The following EXPH5 variants were observed in gnomAD, a reference collection of about 807,000 sequenced individuals.
EXPH5 encodes the protein exophilin 5, also known as exophilin-5.
A neutral mutation model predicts 41.1 loss-of-function variants in EXPH5; 42 were observed. The ratio of observed to expected loss-of-function variants is 1.02; its 90% CI spans 0.80 to 1.32. EXPH5 has a LOEUF of 1.32. Ranked by LOEUF, EXPH5 falls within the 40% of genes most tolerant of loss-of-function variation. EXPH5 has a pLI of 0.00. For missense variants in EXPH5, 2,298 were observed against 2,314.5 expected, an observed-to-expected ratio of 0.99 and a Z score of 0.15; for synonymous variants, 798 against 833.5, an observed-to-expected ratio of 0.96 and a Z score of 0.73.
chr11:108,513,045 G>C lies in EXPH5; in HGVS notation c.2462C>G (p.Ser821Cys). The C allele has an allele frequency of 6.2e-7, 1 of 1,613,738 alleles. No homozygotes were observed. Among genetic ancestry groups the C allele is most frequent in the Non-Finnish European group, 8.5e-7 (1 of 1,179,894 alleles). The change falls in exon 6 of 6, where the codon TCT (serine) becomes TGT (cysteine). Residue 821 changes from serine to cysteine, a missense_variant. Physicochemically the swap from Ser to Cys is moderately radical, Grantham distance 112 (BLOSUM62 -1). Coordinates refer to ENST00000265843, the MANE Select transcript of EXPH5 (RefSeq NM_015065.3). ...PFIQEHRTPP[S>C]FPRTDQGCHQ... ...ACAACCTTGGTCTGTCCTGGGGAAA[G>C]ATGGTGGTGTTCTGTGTTCCTGAAT...
chr11:108,529,511 C>T (rs1250126452), intron 3 of EXPH5, among the ~76,000 whole-genome samples: 1 of 152,050 alleles, frequency 6.6e-6, no homozygotes, highest in Non-Finnish European at 1.5e-5. Flanking sequence ...TCTTTTAAAT[C>T]TACAGTCTCA....
chr11:108,517,026 G>A (rs2093731075), intron 5 of EXPH5, among the ~76,000 whole-genome samples: 1 of 152,058 alleles, frequency 6.6e-6, no homozygotes, highest in African/African-American at 2.4e-5. Context: ...TAAAGTCTTG[G>A]TTGACTACAA....
the EXPH5 span, among the ~76,000 whole-genome samples, chr11:108,600,119 G>C: frequency 6.6e-6 from 1 of 152,178 alleles, no homozygotes; most frequent in Admixed American, 6.6e-5. Flanking sequence ...AGCGTACAGA[G>C]AGTGGAAGAA....
At position 108,509,487 on chromosome 11, in the gene EXPH5, T is replaced by A; in HGVS notation, c.*50A>T. On this transcript the variant is annotated 3_prime_UTR_variant, in exon 6 of 6. Transcript: ENST00000265843. The stretch of plus-strand genomic sequence containing the variant: ...TGCACATGCACATGTACACCTTAGT[T>A]CCATTATAAGCTTTTGGTGAAAAAA... The A allele has an allele frequency of 6.7e-7, 1 of 1,495,442 alleles. No individual in the cohort carries two copies. 92.6% of individuals were successfully genotyped at this position (1,495,442 alleles called of 1,614,324 possible).
intron 2 of EXPH5, 60 bp from the exon 3 acceptor site, chr11:108,539,246 G>T: frequency 8.0e-7 from 1 of 1,248,156 alleles, no homozygotes; most frequent in Non-Finnish European, 1.1e-6. Flanking sequence ...ATACTTGAAA[G>T]AATGAAGCCT....
At chr11:108,557,227 G>T (rs1278674662) in intron 1 of EXPH5, among the ~76,000 whole-genome samples, 1 of 152,014 alleles carries the variant, frequency 6.6e-6, no homozygotes, top group Non-Finnish European at 1.5e-5. Flanking sequence ...TGCTTGTTTT[G>T]AGATGGAGTC....
intron 3 of EXPH5, among the ~76,000 whole-genome samples, chr11:108,535,611 G>T (rs1208444952): frequency 6.6e-6 from 1 of 151,878 alleles, no homozygotes; most frequent in South Asian, 2.1e-4. Context: ...GAGACAGAGA[G>T]AACAGGAAAA....
rs2093677506 is a variant in EXPH5, at chr11:108,511,120, G to A, written c.4387C>T (p.Pro1463Ser). 1.2e-6 allele frequency: 2 copies of A among 1,613,828 alleles called. No individual in the cohort carries two copies. The highest frequency in any genetic ancestry group is 1.7e-6 in the Non-Finnish European group (2 of 1,179,952). Reference protein sequence around the residue: ...AIPFTGSGKCPQKDHTSTAVG... With the variant: ...AIPFTGSGKCSQKDHTSTAVG... ...GCTGTGGATGTGTGATCTTTCTGGG[G>A]ACACTTGCCACTTCCAGTAAATGGA... Residue 1463 changes from proline to serine, a missense_variant, in exon 6 of 6, where the codon CCC becomes TCC. Pro to Ser is a moderately conservative substitution (Grantham distance 74). Coordinates refer to ENST00000265843, the MANE Select transcript of EXPH5 (RefSeq NM_015065.3).
Position 108,511,354 on chromosome 11 carries a change from T to C in EXPH5, c.4153A>G (p.Arg1385Gly). ...GTTTCACTTTGCAACTTTTTGCCTC[T>C]TTCCTTCTTGTTTTCTGAATCACCT... ...PLGDSENKKE[R>G]GKKLQSETLH... Residue 1385 changes from arginine (R) to glycine (G), a missense_variant, in exon 6 of 6, where the codon AGA becomes GGA. By Grantham distance (125) the Arg-to-Gly change is moderately radical (BLOSUM62 -2). Transcript: ENST00000265843. The C allele has an allele frequency of 3.8e-6, 6 of 1,581,288 alleles. No homozygotes were observed. In the East Asian group the frequency reaches 6.7e-5, roughly 18 times the overall value.
At chr11:108,591,733 G>A (rs2094127936) in intron 1 of EXPH5, among the ~76,000 whole-genome samples, 1 of 152,220 alleles carries the variant, frequency 6.6e-6, no homozygotes, top group South Asian at 2.1e-4. Context: ...CGTGCTTTGT[G>A]TAGATCTATG....
chr11:108,510,572 C>A lies in EXPH5; in HGVS notation c.4935G>T (p.Glu1645Asp), dbSNP rs747857756. ...TGGACTCTGCAGATTTTGGAGTAGG[C>A]TCAGGGAACAGTGGGTTGCACTCCA... Reference protein sequence around the residue: ...GTVECNPLFPEPTPKSAESIG... With the variant: ...GTVECNPLFPDPTPKSAESIG... The change falls in exon 6 of 6, where the codon GAG (glutamate) becomes GAT (aspartate). Residue 1645 changes from glutamate (E) to aspartate (D), a missense_variant. Glu to Asp is a conservative substitution (Grantham distance 45). Transcript: ENST00000265843. 9 of 1,614,098 alleles carry A rather than the reference C, an allele frequency of 5.6e-6. No homozygotes were observed. Among genetic ancestry groups the A allele is most frequent in the Non-Finnish European group, 7.6e-6 (9 of 1,180,000 alleles).
rs764878450 is a variant in EXPH5 at position 108,541,803 on chromosome 11, C to T, written c.129G>A (p.Gln43=). ...RAEKDRISKL[Q]KTKRDIRWLQ... is the part of the protein sequence containing the mutation. ...GCCATCTGATATCCCTCTTTGTCTT[C>T]TGAAGTTTGCTGAAATAAAATAAAA... The change falls in exon 2 of 6, where the codon CAG becomes CAA. Residue 43 remains glutamine (Q), a synonymous_variant. Transcript: ENST00000265843. 16 of 1,586,048 alleles carry T rather than the reference C, an allele frequency of 1.0e-5. No homozygotes were observed. The highest frequency in any genetic ancestry group is 1.0e-5 in the Non-Finnish European group (12 of 1,171,008).
chr11:108,560,099 TTG>T (rs1431070713), intron 1 of EXPH5, among the ~76,000 whole-genome samples: 3 of 152,154 alleles, frequency 2.0e-5, no homozygotes, highest in Non-Finnish European at 4.4e-5. Context: ...TATTCAATCT[TTG>T]TGTTAGGATG....
rs2093684808 is a variant in EXPH5 at position 108,511,873 on chromosome 11, G to A, written c.3634C>T (p.Pro1212Ser). The change falls in exon 6 of 6, where the codon CCT (proline) becomes TCT (serine). Residue 1212 changes from proline (P) to serine (S), a missense_variant. Pro to Ser is a moderately conservative substitution (Grantham distance 74). Transcript: ENST00000265843. The stretch of plus-strand genomic sequence containing the variant: ...TTTCCTGACAAGTCTGAGCAAAAAG[G>A]TAAAGGGTCTTCATTTGAAAGAGCA... ...VFALSNEDPL[P>S]FCSDLSGKER... The A allele has an allele frequency of 1.3e-6, 2 of 1,588,554 alleles. No individual in the cohort carries two copies. Among genetic ancestry groups the A allele is most frequent in the Non-Finnish European group, 1.7e-6 (2 of 1,172,224 alleles).
upstream of EXPH5, among the ~76,000 whole-genome samples, chr11:108,596,109 C>A (rs186942624): frequency 4.8e-3 from 733 of 151,994 alleles, 6 homozygotes; most frequent in African/African-American, 0.017. Context: ...GCAGGAGAAT[C>A]GCTTGAACCC....
At chr11:108,574,200 C>A (rs1011555760) in intron 1 of EXPH5, among the ~76,000 whole-genome samples, 2 of 151,862 alleles carry the variant, frequency 1.3e-5, no homozygotes, top group South Asian at 4.1e-4. Context: ...TGAGCCACCG[C>A]GCCCAACCTA....
rs190390850 is a variant in EXPH5, at chr11:108,542,680, C to T, written c.120-868G>A. ...TCCAGTGGTCAAAGATAAAAGCTAA[C>T]ATGCAGAAAAGAAATTATTGAATGT... On this transcript the variant is annotated intron_variant, in intron 1 of 5. Coordinates refer to ENST00000265843, the MANE Select transcript of EXPH5 (RefSeq NM_015065.3). 1.1e-3 allele frequency among the ~76,000 whole-genome samples: 169 copies of T among 152,246 alleles called. 2 individuals carry two copies. Among genetic ancestry groups the T allele is most frequent in the African/African-American group, 3.9e-3 (163 of 41,558 alleles).
At chr11:108,542,982 G>A (rs2093920545) in intron 1 of EXPH5, among the ~76,000 whole-genome samples, 1 of 152,136 alleles carries the variant, frequency 6.6e-6, no homozygotes, top group Non-Finnish European at 1.5e-5. Flanking sequence ...ACCTCCCAAA[G>A]TGCTGGGACT....
At chr11:108,532,397 T>G (rs12797913) in intron 3 of EXPH5, among the ~76,000 whole-genome samples, 3 of 90,184 alleles carry the variant, frequency 3.3e-5, no homozygotes, top group East Asian at 2.9e-4. Flanking sequence ...TTTTTTTTTG[T>G]AGAGATGGGG....
Sources: gnomAD v4.1 joint callset for allele counts (sites outside exome capture counted in the v4.1 genomes callset) on GRCh38, gnomAD v4.1.1 for gene constraint, MANE v1.5 for transcripts, NCBI Gene and HGNC (gene_info 2026-07-23, HGNC 2026-07-21) for gene names.